The following KCNT2 variants were observed in gnomAD, a reference collection of about 807,000 sequenced individuals.
KCNT2 encodes potassium channel subfamily T member 2.
In KCNT2, 67 loss-of-function variants were observed where a neutral mutation model predicts 153.8. The ratio of observed to expected loss-of-function variants is 0.44; its 90% CI spans 0.36 to 0.53. The LOEUF (loss-of-function observed/expected upper bound fraction) is 0.53, where lower values mean the gene tolerates loss of function less well. KCNT2 is among the 20% of genes least tolerant of loss of function. KCNT2 has a pLI of 0.00. For missense variants in KCNT2, 975 were observed against 1,354.8 expected (o/e 0.72, Z 4.40); for synonymous variants, 500 against 458.8 (o/e 1.09, Z -1.15).
At chr1:196,316,135 G>T in intron 20 of KCNT2, 109 bp from the exon 21 acceptor site, 3 of 917,672 alleles carry the variant, frequency 3.3e-6, no homozygotes, top group South Asian at 2.0e-5. Flanking sequence ...GCCTTTAGAG[G>T]TGGCTTTTAC....
intron 14 of KCNT2, among the ~76,000 whole-genome samples, chr1:196,357,168 T>C (rs10922060): frequency 0.039 from 5,964 of 152,026 alleles, 187 homozygotes; most frequent in Admixed American, 0.094. Flanking sequence ...GCTATAAGTC[T>C]ATGACTTCAG....
chr1:196,324,593 G>T (rs1663659046), intron 19 of KCNT2, among the ~76,000 whole-genome samples: 1 of 152,044 alleles, frequency 6.6e-6, no homozygotes, highest in South Asian at 2.1e-4. Context: ...AAAATGTAAA[G>T]TAAAGTGTGT....
intron 1 of KCNT2, among the ~76,000 whole-genome samples, chr1:196,498,783 C>T (rs1680452326): frequency 6.6e-6 from 1 of 152,194 alleles, no homozygotes; most frequent in African/African-American, 2.4e-5. Flanking sequence ...TTATCTCACT[C>T]TGTTTTCACT....
intron 12 of KCNT2, among the ~76,000 whole-genome samples, chr1:196,417,805 G>T (rs1445262570): frequency 6.6e-6 from 1 of 152,032 alleles, no homozygotes; most frequent in East Asian, 1.9e-4. Context: ...AGGCTATAGG[G>T]TATAACCTAT....
chr1:196,420,258 C>T (rs1199728113), intron 12 of KCNT2, among the ~76,000 whole-genome samples: 3 of 151,652 alleles, frequency 2.0e-5, no homozygotes, highest in African/African-American at 7.3e-5. Flanking sequence ...TATGTATGTA[C>T]CATATTCTCA....
At chr1:196,450,163 T>C (rs2148615975) in intron 8 of KCNT2, among the ~76,000 whole-genome samples, 1 of 152,008 alleles carries the variant, frequency 6.6e-6, no homozygotes, top group Admixed American at 6.6e-5. Flanking sequence ...TGGCCAAGTG[T>C]TTTAGATACC....
At chr1:196,423,295 A>T (rs1673367990) in intron 11 of KCNT2, among the ~76,000 whole-genome samples, 182 bp from the exon 12 acceptor site, 1 of 151,926 alleles carries the variant, frequency 6.6e-6, no homozygotes, top group African/African-American at 2.4e-5. Context: ...TTTTGAACAA[A>T]AAAAAATTTG....
At chr1:196,474,213 T>C (rs1445191198) in intron 5 of KCNT2, among the ~76,000 whole-genome samples, 2 of 152,166 alleles carry the variant, frequency 1.3e-5, no homozygotes, top group African/African-American at 2.4e-5. Context: ...AACTACTATC[T>C]GTGCAACCCT....
At chr1:196,254,344 A>G (rs1160123993) in intron 26 of KCNT2, among the ~76,000 whole-genome samples, 3 of 151,488 alleles carry the variant, frequency 2.0e-5, no homozygotes, top group African/African-American at 7.2e-5. Context: ...ACTCATTTAT[A>G]TTAGGAAAAG....
chr1:196,248,787 A>C (rs748835936), intron 26 of KCNT2, among the ~76,000 whole-genome samples: 2 of 152,214 alleles, frequency 1.3e-5, no homozygotes, highest in Non-Finnish European at 2.9e-5. Context: ...AATACTTCCA[A>C]AGTCTTTCTA....
intron 17 of KCNT2, among the ~76,000 whole-genome samples, chr1:196,331,855 A>T (rs1329779489): frequency 6.6e-6 from 1 of 152,134 alleles, no homozygotes; most frequent in Non-Finnish European, 1.5e-5. Context: ...CAAATAACTG[A>T]GCTAATTGGT....
intron 17 of KCNT2, among the ~76,000 whole-genome samples, chr1:196,332,171 T>A (rs1340863719): frequency 3.9e-5 from 6 of 152,146 alleles, no homozygotes; most frequent in Non-Finnish European, 8.8e-5. Context: ...GGAAATAAAG[T>A]TCGTTGGCTA....
intron 14 of KCNT2, among the ~76,000 whole-genome samples, chr1:196,345,974 AGAG>A (rs970006387): frequency 1.3e-5 from 2 of 152,182 alleles, no homozygotes; most frequent in African/African-American, 2.4e-5. Context: ...CTAGAAAAAG[AGAG>A]GAGATGTCAA....
intron 14 of KCNT2, among the ~76,000 whole-genome samples, chr1:196,344,795 T>C (rs1665993106): frequency 6.6e-6 from 1 of 152,170 alleles, no homozygotes; most frequent in African/African-American, 2.4e-5. Context: ...CTTAAATAAT[T>C]TGCTTATTGC....
Position 196,555,180 on chromosome 1 carries a change from G to GA in KCNT2, c.95+53034dup, listed in dbSNP as rs1445040421. 3.3e-5 allele frequency among the ~76,000 whole-genome samples: 5 copies of GA among 151,340 alleles called. No individual in the cohort carries two copies. In the Admixed American group the frequency reaches 3.3e-4, roughly 10 times the overall value. On this transcript the variant is annotated intron_variant, in intron 1 of 27. Coordinates refer to ENST00000294725, the MANE Select transcript of KCNT2 (RefSeq NM_198503.5). ...AAAGAAATAAAGGGCATCCAAATTG[G>GA]AAAGGAAGAAATCACATTATCCTTA... is the stretch of plus-strand genomic sequence containing the variant.
At chr1:196,588,285 AAAAC>A (rs1440652135) in intron 1 of KCNT2, among the ~76,000 whole-genome samples, 3 of 151,522 alleles carry the variant, frequency 2.0e-5, no homozygotes, top group African/African-American at 7.2e-5. Context: ...AAAAAACAGG[AAAAC>A]AAACATTTAA....
intron 22 of KCNT2, among the ~76,000 whole-genome samples, chr1:196,292,529 G>A (rs981659527): frequency 2.6e-5 from 4 of 152,172 alleles, no homozygotes; most frequent in Admixed American, 6.5e-5. Flanking sequence ...GGAAGTGGCC[G>A]GGCGCAGTGG....
chr1:196,315,362 C>A (rs1453202713), intron 21 of KCNT2, among the ~76,000 whole-genome samples: 1 of 151,708 alleles, frequency 6.6e-6, no homozygotes, highest in East Asian at 1.9e-4. Context: ...CAAAGACAAC[C>A]ATAATGGGGA....
At chr1:196,251,592 T>G (rs1429819683) in intron 26 of KCNT2, among the ~76,000 whole-genome samples, 1 of 151,966 alleles carries the variant, frequency 6.6e-6, no homozygotes, top group Non-Finnish European at 1.5e-5. Flanking sequence ...AAATGATGGT[T>G]ACCAGAGGCT....
Sources: gnomAD v4.1 joint callset for allele counts (sites outside exome capture counted in the v4.1 genomes callset) on GRCh38, gnomAD v4.1.1 for gene constraint, MANE v1.5 for transcripts, NCBI Gene and HGNC (gene_info 2026-07-23, HGNC 2026-07-21) for gene names.